RAD51B: variants seen among roughly 807,000 people sequenced by gnomAD.
RAD51B encodes the protein RAD51 paralog B.
RAD51B carries 38 observed loss-of-function variants against 42.2 expected under a neutral mutation model. The observed-to-expected ratio is 0.90, with a 90% confidence interval of 0.70 to 1.18. RAD51B has a LOEUF of 1.18. Among genes scored for constraint, RAD51B ranks in the 50% most tolerant of loss-of-function variants. RAD51B has a pLI of 0.00. For missense variants in RAD51B, 373 were observed against 400.7 expected (o/e 0.93, Z 0.59); for synonymous variants, 154 against 145.2 (o/e 1.06, Z -0.43).
At position 68,353,102 on chromosome 14, in the gene RAD51B, G is replaced by A. The variant is rs556050897; in HGVS notation, c.854-58322G>A. On this transcript the variant is annotated intron_variant, in intron 8 of 10. Coordinates refer to ENST00000471583, the MANE Select transcript of RAD51B (RefSeq NM_133510.4). Reference sequence around the variant, plus strand: ...GTTGAAAGCAAAACAGCCCCCTCTGGGCCTCTTCCCTAGCCTTTCCTTATT... The same window carrying A: ...GTTGAAAGCAAAACAGCCCCCTCTGAGCCTCTTCCCTAGCCTTTCCTTATT... Among the ~76,000 whole-genome samples the A allele has an allele frequency of 4.6e-5, 7 of 152,196 alleles. 1 individual carries two copies. In the South Asian group the frequency reaches 1.5e-3, roughly 32 times the overall value.
At chr14:67,882,865 C>T (rs2042952865) in intron 5 of RAD51B, among the ~76,000 whole-genome samples, 1 of 152,112 alleles carries the variant, frequency 6.6e-6, no homozygotes, top group African/African-American at 2.4e-5. Context: ...TTGCTTCAGC[C>T]TCCCGAGTAG....
At chr14:68,323,769 T>A (rs2082198675) in intron 8 of RAD51B, among the ~76,000 whole-genome samples, 1 of 152,192 alleles carries the variant, frequency 6.6e-6, no homozygotes, top group African/African-American at 2.4e-5. Context: ...CACTCCAGCC[T>A]GAATGACAGA....
At chr14:68,034,238 G>A (rs1002599019) in intron 7 of RAD51B, among the ~76,000 whole-genome samples, 15 of 151,334 alleles carry the variant, frequency 9.9e-5, no homozygotes, top group Admixed American at 4.6e-4. Flanking sequence ...GATTAGACAC[G>A]TTTTAAGATC....
At chr14:68,207,602 A>G (rs563026452) in intron 7 of RAD51B, among the ~76,000 whole-genome samples, 2 of 152,338 alleles carry the variant, frequency 1.3e-5, no homozygotes, top group East Asian at 1.9e-4. Context: ...TTTGTGATAC[A>G]TTAAAAAGTT....
At chr14:67,910,986 A>G (rs148380871) in intron 7 of RAD51B, among the ~76,000 whole-genome samples, 22 of 151,954 alleles carry the variant, frequency 1.4e-4, no homozygotes, top group Middle Eastern at 3.4e-3. Flanking sequence ...TAATTTTTGT[A>G]TATGTATTTT....
At chr14:68,119,697 T>C (rs2080090669) in intron 7 of RAD51B, among the ~76,000 whole-genome samples, 1 of 151,396 alleles carries the variant, frequency 6.6e-6, no homozygotes, top group Non-Finnish European at 1.5e-5. Flanking sequence ...ATGTGCCACA[T>C]TTTCTTAATC....
intron 10 of RAD51B, among the ~76,000 whole-genome samples, chr14:68,487,109 G>C (rs1357169488): frequency 1.3e-5 from 2 of 152,214 alleles, no homozygotes; most frequent in African/African-American, 4.8e-5. Flanking sequence ...CGTCTGCTCA[G>C]GCTGCATAAA....
chr14:68,451,106 G>A (rs536542760), intron 9 of RAD51B, among the ~76,000 whole-genome samples: 2 of 152,324 alleles, frequency 1.3e-5, no homozygotes, highest in African/African-American at 2.4e-5. Context: ...TGCTCAGCCT[G>A]ATGGTATGTG....
intron 5 of RAD51B, 114 bp downstream of exon 5, chr14:67,865,253 TTTG>T: frequency 9.3e-7 from 1 of 1,072,544 alleles, no homozygotes; most frequent in Non-Finnish European, 1.2e-6. Flanking sequence ...TTTTTTTTTT[TTTG>T]AGATGGAGTC....
At chr14:68,004,878 A>G (rs1193022917) in intron 7 of RAD51B, among the ~76,000 whole-genome samples, 1 of 151,710 alleles carries the variant, frequency 6.6e-6, no homozygotes, top group African/African-American at 2.4e-5. Context: ...TTTTTTTGGT[A>G]TATGGCCTTT....
chr14:68,146,426 C>T lies in RAD51B; in HGVS notation c.757-145458C>T, dbSNP rs577227799. On this transcript the variant is annotated intron_variant, in intron 7 of 10. Transcript: ENST00000471583. ...GGCAACAGACTGAGACTCTGTTTCC[C>T]CCCCACGGCCCCCTCCCCCACAAAA... Among the ~76,000 whole-genome samples, 3 of 152,144 alleles carry T rather than the reference C, an allele frequency of 2.0e-5. No individual in the cohort carries two copies. The East Asian group carries it at 5.8e-4, about 29-fold the overall frequency.
At chr14:67,960,894 C>G (rs2074650291) in intron 7 of RAD51B, among the ~76,000 whole-genome samples, 1 of 151,614 alleles carries the variant, frequency 6.6e-6, no homozygotes, top group African/African-American at 2.4e-5. Flanking sequence ...GTCTGGAACT[C>G]TTGGCCTCAA....
At position 68,291,923 on chromosome 14, in the gene RAD51B, GC is replaced by G; in HGVS notation, c.799del (p.Leu267TrpfsTer26). On this transcript the variant is annotated frameshift_variant, in exon 8 of 11. Transcript: ENST00000471583. LOFTEE classifies it high-confidence loss of function. Reference protein sequence around the residue: ...TNQITTHLSGALASQADLVSP... With the variant: ...TNQITTHLSGXLASQADLVSP... ...TCAGATTACAACCCATCTGAGTGGA[GC>G]CCTGGCTTCTCAGGCAGACCTGGTG... 6.2e-7 allele frequency: 1 copy of G among 1,613,936 alleles called. No individual in the cohort carries two copies. Among genetic ancestry groups the G allele is most frequent in the Non-Finnish European group, 8.5e-7 (1 of 1,179,868 alleles).
At position 68,537,509 on chromosome 14, in the gene RAD51B, AAG is replaced by A. The variant is rs1887708388; in HGVS notation, c.1037-56975_1037-56974del. On this transcript the variant is annotated intron_variant, in intron 10 of 10. Transcript: ENST00000487270. Reference sequence around the variant, plus strand: ...GCAAGATTTCGTCTCAAAAAAAAAAAAGGAGCCATGAATCACTGAAACAGATT... The same window carrying A: ...GCAAGATTTCGTCTCAAAAAAAAAAAGAGCCATGAATCACTGAAACAGATT... Among the ~76,000 whole-genome samples, 4 of 151,874 alleles carry A rather than the reference AAG, an allele frequency of 2.6e-5. No individual in the cohort carries two copies. The South Asian group carries it at 8.4e-4, about 32-fold the overall frequency.
At chr14:68,545,989 G>GTT (rs1390146892) in intron 10 of RAD51B, among the ~76,000 whole-genome samples, 5 of 152,172 alleles carry the variant, frequency 3.3e-5, no homozygotes, top group African/African-American at 9.7e-5. Flanking sequence ...TCATGTATCT[G>GTT]TTTTTTAGCT....
chr14:68,443,320 C>G (rs908600324), intron 9 of RAD51B, among the ~76,000 whole-genome samples: 1 of 151,998 alleles, frequency 6.6e-6, no homozygotes, highest in East Asian at 1.9e-4. Flanking sequence ...ATTTTTTGAA[C>G]GAGTGTCTGA....
At chr14:68,574,643 C>T (rs1009031041) in intron 10 of RAD51B, among the ~76,000 whole-genome samples, 5 of 152,242 alleles carry the variant, frequency 3.3e-5, no homozygotes, top group Admixed American at 2.0e-4. Context: ...GGACAGGGAC[C>T]TTGGGCCAGC....
intron 7 of RAD51B, among the ~76,000 whole-genome samples, chr14:68,267,609 A>G (rs1041524130): frequency 1.9e-4 from 29 of 152,384 alleles, no homozygotes; most frequent in African/African-American, 6.7e-4. Flanking sequence ...CAGAACTCCC[A>G]TAGTATGTAT....
At chr14:68,073,384 T>C (rs1439616719) in intron 7 of RAD51B, among the ~76,000 whole-genome samples, 1 of 152,234 alleles carries the variant, frequency 6.6e-6, no homozygotes, top group East Asian at 1.9e-4. Flanking sequence ...TGGATCTTTC[T>C]CCATCCCTTT....
Sources: gnomAD v4.1 joint callset for allele counts (sites outside exome capture counted in the v4.1 genomes callset) on GRCh38, gnomAD v4.1.1 for gene constraint, MANE v1.5 for transcripts, NCBI Gene and HGNC (gene_info 2026-07-23, HGNC 2026-07-21) for gene names.